ST6GALNAC3: variants seen among roughly 807,000 people sequenced by gnomAD.
ST6GALNAC3 encodes the protein ST6 N-acetylgalactosaminide alpha-2,6-sialyltransferase 3.
ST6GALNAC3 carries 25 observed loss-of-function variants against 32.7 expected under a neutral mutation model. The ratio of observed to expected loss-of-function variants is 0.76; its 90% CI spans 0.56 to 1.07. ST6GALNAC3 has a LOEUF of 1.07. Ranked by LOEUF, ST6GALNAC3 falls within the 50% of genes least tolerant of loss-of-function variation. The pLI is 0.00. For synonymous variants in ST6GALNAC3, 129 were observed against 133.1 expected, an observed-to-expected ratio of 0.97 and a Z score of 0.21; for missense variants, 355 against 382.4, an observed-to-expected ratio of 0.93 and a Z score of 0.60.
At chr1:76,557,549 A>G (rs1191516840) in intron 3 of ST6GALNAC3, among the ~76,000 whole-genome samples, 2 of 152,140 alleles carry the variant, frequency 1.3e-5, no homozygotes, top group Non-Finnish European at 2.9e-5. Context: ...TGGTGAATTT[A>G]TATGTCTTAT....
At chr1:76,477,767 A>T (rs1355584922) in intron 3 of ST6GALNAC3, among the ~76,000 whole-genome samples, 1 of 152,118 alleles carries the variant, frequency 6.6e-6, no homozygotes, top group Non-Finnish European at 1.5e-5. Context: ...TCATTCAGTC[A>T]TTTACCCACT....
chr1:76,578,506 C>A (rs1248423297), intron 3 of ST6GALNAC3, among the ~76,000 whole-genome samples: 1 of 151,934 alleles, frequency 6.6e-6, no homozygotes, highest in Non-Finnish European at 1.5e-5. Context: ...GCTGAACCAT[C>A]TTTTTATTGC....
At chr1:76,543,798 C>T (rs957399902) in intron 3 of ST6GALNAC3, among the ~76,000 whole-genome samples, 3 of 152,186 alleles carry the variant, frequency 2.0e-5, no homozygotes, top group Non-Finnish European at 4.4e-5. Context: ...AACCACAGAG[C>T]AGTAATTATC....
chr1:76,143,332 G>T (rs1056939710), intron 1 of ST6GALNAC3, among the ~76,000 whole-genome samples: 8 of 151,912 alleles, frequency 5.3e-5, no homozygotes, highest in African/African-American at 1.5e-4. Context: ...ATTTGTCAAA[G>T]CCTCATTAGG....
chr1:76,488,776 A>G (rs1023316907), intron 3 of ST6GALNAC3, among the ~76,000 whole-genome samples: 12 of 152,166 alleles, frequency 7.9e-5, no homozygotes, highest in Non-Finnish European at 1.8e-4. Flanking sequence ...TGTGAAGAAC[A>G]AAATGCCTAC....
intron 3 of ST6GALNAC3, among the ~76,000 whole-genome samples, chr1:76,508,293 T>C (rs1369830484): frequency 6.6e-6 from 1 of 152,150 alleles, no homozygotes; most frequent in Non-Finnish European, 1.5e-5. Context: ...TGACAGGAGA[T>C]GGAACTCAGG....
At chr1:76,165,472 A>G (rs1416103702) in intron 1 of ST6GALNAC3, among the ~76,000 whole-genome samples, 1 of 152,216 alleles carries the variant, frequency 6.6e-6, no homozygotes, top group East Asian at 1.9e-4. Flanking sequence ...CAGTGCTGTA[A>G]TTAACATACA....
intron 2 of ST6GALNAC3, among the ~76,000 whole-genome samples, chr1:76,398,572 A>G (rs1009685154): frequency 5.9e-5 from 9 of 152,148 alleles, no homozygotes; most frequent in African/African-American, 2.2e-4. Context: ...TTTTATATTT[A>G]CTGATGTTGT....
At chr1:76,492,852 C>T (rs1488536876) in intron 3 of ST6GALNAC3, among the ~76,000 whole-genome samples, 3 of 152,114 alleles carry the variant, frequency 2.0e-5, no homozygotes, top group African/African-American at 7.2e-5. Flanking sequence ...GGTAATGACA[C>T]TCATGAACCA....
rs190628441 is a variant in ST6GALNAC3 at position 76,404,657 on chromosome 1, C to T, written c.214-7351C>T. ...TCAGGAAGAGCAGGGGAATAAATGA[C>T]AGCAAACTGAAGAGTGCGTCTCTGG... On this transcript the variant is annotated intron_variant, in intron 2 of 4. Coordinates refer to ENST00000328299, the MANE Select transcript of ST6GALNAC3 (RefSeq NM_152996.4). 2.7e-3 allele frequency among the ~76,000 whole-genome samples: 416 copies of T among 152,166 alleles called. 1 individual carries two copies. The highest frequency in any genetic ancestry group is 4.4e-3 in the Non-Finnish European group (299 of 67,954).
At chr1:76,095,947 A>C (rs1453674199) in intron 1 of ST6GALNAC3, among the ~76,000 whole-genome samples, 1 of 152,140 alleles carries the variant, frequency 6.6e-6, no homozygotes, top group Admixed American at 6.5e-5. Flanking sequence ...TGAAAACATG[A>C]ACAGCTGACA....
At chr1:76,433,779 T>C (rs4949718) in intron 3 of ST6GALNAC3, among the ~76,000 whole-genome samples, 78,825 of 151,844 alleles carry the variant, frequency 0.52, 21,780 homozygotes, top group Admixed American at 0.62. Flanking sequence ...TGTTACTAAA[T>C]GGAAAAAAAT....
intron 3 of ST6GALNAC3, among the ~76,000 whole-genome samples, chr1:76,422,265 A>G (rs951672399): frequency 1.3e-5 from 2 of 152,010 alleles, no homozygotes; most frequent in African/African-American, 2.4e-5. Context: ...AAAAGTTATC[A>G]TGGGGGTCTT....
chr1:76,335,430 A>AACACAC lies in ST6GALNAC3; in HGVS notation c.213+21454_213+21459dup, dbSNP rs60059592. 1.1e-3 allele frequency among the ~76,000 whole-genome samples: 167 copies of AACACAC among 145,376 alleles called. 1 individual carries two copies. Among genetic ancestry groups the AACACAC allele is most frequent in the East Asian group, 8.3e-3 (41 of 4,942 alleles). ...GACAGGATGTGATCTCATCACAGGG[A>AACACAC]ACACACACACACACACACACACACA... On this transcript the variant is annotated intron_variant, in intron 2 of 4. Coordinates refer to ENST00000328299, the MANE Select transcript of ST6GALNAC3 (RefSeq NM_152996.4).
Position 76,295,366 on chromosome 1 carries a change from C to T in ST6GALNAC3, c.19-18439C>T, listed in dbSNP as rs564533684. The stretch of plus-strand genomic sequence containing the variant: ...TGCTTTGTTTGGAAATGTTGGACCT[C>T]GGTACTATTGCATTTGGTAAAAGGC... On this transcript the variant is annotated intron_variant, in intron 1 of 4. Coordinates refer to ENST00000328299, the MANE Select transcript of ST6GALNAC3 (RefSeq NM_152996.4). Among the ~76,000 whole-genome samples the T allele has an allele frequency of 2.8e-4, 43 of 152,084 alleles. No homozygotes were observed. The South Asian group carries it at 4.4e-3, about 15-fold the overall frequency.
intron 3 of ST6GALNAC3, among the ~76,000 whole-genome samples, chr1:76,483,290 G>A (rs1659861524): frequency 6.6e-6 from 1 of 152,194 alleles, no homozygotes. Flanking sequence ...GATCCCTGAA[G>A]AATCGCCATA....
chr1:76,259,930 G>A (rs1010303243), intron 1 of ST6GALNAC3, among the ~76,000 whole-genome samples: 18 of 152,168 alleles, frequency 1.2e-4, no homozygotes, highest in African/African-American at 4.1e-4. Flanking sequence ...TCTGCAGGGT[G>A]AATGGAGACT....
intron 1 of ST6GALNAC3, among the ~76,000 whole-genome samples, chr1:76,078,458 A>G (rs898189997): frequency 6.6e-6 from 1 of 152,128 alleles, no homozygotes; most frequent in Non-Finnish European, 1.5e-5. Context: ...TAATCATTTA[A>G]TTTAGGAATT....
intron 1 of ST6GALNAC3, among the ~76,000 whole-genome samples, chr1:76,155,273 C>T (rs1343144825): frequency 1.1e-4 from 16 of 152,150 alleles, no homozygotes; most frequent in Non-Finnish European, 2.4e-4. Flanking sequence ...CCCCCGACCC[C>T]CGTCTCCTCC....
Sources: allele counts gnomAD v4.1 joint callset (sites outside exome capture counted in the v4.1 genomes callset), GRCh38; gene constraint gnomAD v4.1.1; transcripts MANE v1.5; gene names NCBI Gene and HGNC (gene_info 2026-07-23, HGNC 2026-07-21).